TTC7B: variants seen among roughly 807,000 people sequenced by gnomAD.
TTC7B encodes the protein tetratricopeptide repeat protein 7B.
In TTC7B, 28 loss-of-function variants were observed where a neutral mutation model predicts 106.8. The ratio of observed to expected loss-of-function variants is 0.26; its 90% CI spans 0.19 to 0.36. The LOEUF (loss-of-function observed/expected upper bound fraction) is 0.36. Among genes scored for constraint, TTC7B ranks in the 10% least tolerant of loss-of-function variants. The pLI is 1.00. For synonymous variants in TTC7B, 405 were observed against 430.6 expected (o/e 0.94, Z 0.74); for missense variants, 862 against 1,076.4 (o/e 0.80, Z 2.79).
In TTC7B at chr14:90,802,350, A is replaced by G. The variant is rs534238270; in HGVS notation, c.121+13825T>C. On this transcript the variant is annotated intron_variant, in intron 1 of 19. Transcript: ENST00000328459. This position sits in a 1 kb window ranked among gnomAD's most constrained non-coding sequence, Gnocchi z 4.7. ...CCCGTGCCTGCAGAAGGGAAGGGTCAGGAGAGAAGTGAAGGCTGTGGCAGC... is the reference window on the plus strand; with the variant it reads ...CCCGTGCCTGCAGAAGGGAAGGGTCGGGAGAGAAGTGAAGGCTGTGGCAGC... 1.9e-4 allele frequency among the ~76,000 whole-genome samples: 29 copies of G among 152,256 alleles called. No homozygotes were observed. The highest frequency in any genetic ancestry group is 1.7e-3 in the South Asian group (8 of 4,828).
intron 5 of TTC7B, among the ~76,000 whole-genome samples, chr14:90,727,421 C>T (rs761577030): frequency 5.9e-5 from 9 of 152,258 alleles, no homozygotes; most frequent in Non-Finnish European, 1.2e-4. Flanking sequence ...AGGGGCAATA[C>T]TGCTCACATT....
intron 1 of TTC7B, among the ~76,000 whole-genome samples, chr14:90,804,770 AAC>A (rs1267088300): frequency 1.3e-5 from 2 of 152,216 alleles, no homozygotes; most frequent in African/African-American, 4.8e-5. Context: ...CTTCAGAGAA[AAC>A]ACTGCTTCCT....
chr14:90,700,171 G>A (rs1449405594), intron 5 of TTC7B, among the ~76,000 whole-genome samples: 1 of 152,174 alleles, frequency 6.6e-6, no homozygotes, highest in African/African-American at 2.4e-5. Flanking sequence ...GGAGACCTGG[G>A]GGAGCAGTAC....
chr14:90,787,868 A>G (rs554523318), intron 1 of TTC7B, among the ~76,000 whole-genome samples: 1 of 152,316 alleles, frequency 6.6e-6, no homozygotes, highest in East Asian at 1.9e-4. Context: ...ATGCAAGAAG[A>G]AAAAGCAAGT....
intron 5 of TTC7B, among the ~76,000 whole-genome samples, chr14:90,705,933 C>T (rs1888188597): frequency 1.3e-5 from 2 of 152,190 alleles, no homozygotes; most frequent in Admixed American, 6.5e-5. Flanking sequence ...ATTCATGCTA[C>T]AGTTCAATAC....
intron 9 of TTC7B, among the ~76,000 whole-genome samples, chr14:90,662,739 G>A (rs1886258926): frequency 6.6e-6 from 1 of 152,178 alleles, no homozygotes; most frequent in African/African-American, 2.4e-5. Context: ...AATGCCACAG[G>A]AAATAGCTCC....
At chr14:90,755,690 A>ACAAAAAC (rs1890269479) in intron 3 of TTC7B, among the ~76,000 whole-genome samples, 1 of 152,148 alleles carries the variant, frequency 6.6e-6, no homozygotes, top group South Asian at 2.1e-4. Context: ...CAAACAAAAA[A>ACAAAAAC]AAAAAACAAG....
At chr14:90,635,457 T>G (rs1423753471) in intron 15 of TTC7B, among the ~76,000 whole-genome samples, 6 of 152,078 alleles carry the variant, frequency 3.9e-5, no homozygotes, top group African/African-American at 1.4e-4. Flanking sequence ...GCCTGGGTTT[T>G]AAAAAATTAT....
chr14:90,641,934 CGTGT>C (rs145476335), intron 15 of TTC7B, among the ~76,000 whole-genome samples: 3,895 of 147,036 alleles, frequency 0.026, 50 homozygotes, highest in Non-Finnish European at 0.029. Context: ...TGTGTGTGTG[CGTGT>C]GTGTGTGTGT....
At position 90,788,318 on chromosome 14, in the gene TTC7B, T is replaced by C. The variant is rs12431391; in HGVS notation, c.122-1990A>G. 5.7e-3 allele frequency among the ~76,000 whole-genome samples: 875 copies of C among 152,186 alleles called. 5 individuals are homozygous for C. Among genetic ancestry groups the C allele is most frequent in the African/African-American group, 0.02 (812 of 41,526 alleles). On this transcript the variant is annotated intron_variant, in intron 1 of 19. Transcript: ENST00000328459. ...GGCACCAAGGCAACAAGCAGCTTCC[T>C]CCCAGACACACAAGCCCTTCTCAAG...
chr14:90,640,824 A>C (rs1412144350), intron 15 of TTC7B, among the ~76,000 whole-genome samples: 1 of 152,196 alleles, frequency 6.6e-6, no homozygotes, highest in Non-Finnish European at 1.5e-5. Flanking sequence ...TAGATGAGGA[A>C]ATGAGACTCA....
intron 15 of TTC7B, among the ~76,000 whole-genome samples, chr14:90,629,922 G>A (rs1884621400): frequency 6.6e-6 from 1 of 152,170 alleles, no homozygotes; most frequent in African/African-American, 2.4e-5. Context: ...ACTAGAAAAG[G>A]GAACTTCCCT....
intron 18 of TTC7B, among the ~76,000 whole-genome samples, chr14:90,581,092 T>A (rs1292657943): frequency 6.6e-6 from 1 of 152,192 alleles, no homozygotes; most frequent in African/African-American, 2.4e-5. Context: ...CTGGCCCAGA[T>A]GCACACAGTG....
intron 19 of TTC7B, among the ~76,000 whole-genome samples, chr14:90,562,930 G>A (rs180782995): frequency 1.6e-3 from 241 of 152,208 alleles, no homozygotes; most frequent in Non-Finnish European, 2.8e-3. Flanking sequence ...CACAAACCAC[G>A]AGCACAGACC....
chr14:90,585,276 C>T (rs538562648), intron 18 of TTC7B, among the ~76,000 whole-genome samples: 6 of 152,372 alleles, frequency 3.9e-5, no homozygotes, highest in African/African-American at 9.6e-5. Context: ...CTCCGTGGCA[C>T]AGCAGGATGA....
At chr14:90,754,124 G>T (rs1278890392) in intron 3 of TTC7B, among the ~76,000 whole-genome samples, 1 of 152,116 alleles carries the variant, frequency 6.6e-6, no homozygotes, top group Non-Finnish European at 1.5e-5. Context: ...ACCCTACGAG[G>T]GGGGATTTAC....
At chr14:90,726,015 A>T (rs1326454583) in intron 5 of TTC7B, among the ~76,000 whole-genome samples, 24 of 152,224 alleles carry the variant, frequency 1.6e-4, no homozygotes, top group Admixed American at 1.6e-3. Flanking sequence ...CCAAGGCAGG[A>T]GGATCACTTG....
intron 9 of TTC7B, among the ~76,000 whole-genome samples, chr14:90,660,733 G>A (rs553753988): frequency 2.0e-5 from 3 of 152,200 alleles, no homozygotes; most frequent in Non-Finnish European, 2.9e-5. Context: ...GGAGAGAAAA[G>A]AATTCTAGAA....
chr14:90,739,059 C>A (rs964819080), intron 4 of TTC7B, among the ~76,000 whole-genome samples: 1 of 152,086 alleles, frequency 6.6e-6, no homozygotes, highest in African/African-American at 2.4e-5. Flanking sequence ...AGGAAATATA[C>A]AAAAATTAAA....
Sources: gnomAD v4.1 joint callset for allele counts (sites outside exome capture counted in the v4.1 genomes callset) on GRCh38, gnomAD v4.1.1 for gene constraint, Gnocchi (gnomAD v3.1) non-coding constraint, MANE v1.5 for transcripts, NCBI Gene and HGNC (gene_info 2026-07-23, HGNC 2026-07-21) for gene names.